Variants in C11orf65 observed in about 807,000 individuals in gnomAD.
C11orf65 encodes the protein protein MFI.
C11orf65 carries 38 observed loss-of-function variants against 35.3 expected under a neutral mutation model. The observed-to-expected ratio is 1.08, with a 90% CI of 0.83 to 1.41. The LOEUF (loss-of-function observed/expected upper bound fraction) is 1.41, where lower values mean the gene tolerates loss of function less well. Ranked by LOEUF, C11orf65 falls within the 40% of genes most tolerant of loss-of-function variation. The pLI is 0.00. For synonymous variants in C11orf65, 105 were observed against 114.4 expected (o/e 0.92, Z 0.53); for missense variants, 370 against 367.1 (o/e 1.01, Z -0.06).
At chr11:108,400,438 G>C (rs2092418006) in intron 6 of C11orf65, among the ~76,000 whole-genome samples, 1 of 152,150 alleles carries the variant, frequency 6.6e-6, no homozygotes, top group Admixed American at 6.5e-5. Context: ...CAGGCATAAT[G>C]TTCTATGGAA....
At chr11:108,321,264 C>A (rs2085186012) in intron 6 of C11orf65, 1 of 1,610,002 alleles carries the variant, frequency 6.2e-7, no homozygotes, top group Non-Finnish European at 8.5e-7. Flanking sequence ...AAAACCTCTT[C>A]TTTATTTTCA....
At chr11:108,346,290 C>G (rs1215869277) in intron 2 of C11orf65, among the ~76,000 whole-genome samples, 1 of 151,926 alleles carries the variant, frequency 6.6e-6, no homozygotes, top group African/African-American at 2.4e-5. Flanking sequence ...TTGCATATAA[C>G]CTCTAAATAT....
chr11:108,458,370 A>AG (rs1478433970), intron 2 of C11orf65, among the ~76,000 whole-genome samples: 1 of 151,034 alleles, frequency 6.6e-6, no homozygotes, highest in East Asian at 1.9e-4. Context: ...AAAAAAAAAA[A>AG]AAAAAAAAGA....
At position 108,402,852 on chromosome 11, in the gene C11orf65, AGATT is replaced by A. The variant is rs1490981542; in HGVS notation, c.560+2573_560+2576del. 2.0e-5 allele frequency among the ~76,000 whole-genome samples: 3 copies of A among 152,056 alleles called. No individual in the cohort carries two copies. The East Asian group carries it at 5.8e-4, about 29-fold the overall frequency. On this transcript the variant is annotated intron_variant, in intron 6 of 8. Coordinates refer to ENST00000393084, the MANE Select transcript of C11orf65 (RefSeq NM_152587.5). ...CATACAGTATGTATTCTTTTTTGATAGATTTATTTCATTCGGCATTATTTTGAGG... is the reference window on the plus strand; with the variant it reads ...CATACAGTATGTATTCTTTTTTGATATATTTCATTCGGCATTATTTTGAGG...
At chr11:108,353,731 C>T (rs2089484197) in intron 2 of C11orf65, 1 of 1,521,162 alleles carries the variant, frequency 6.6e-7, no homozygotes, top group South Asian at 1.1e-5. Flanking sequence ...AATTAGCTGT[C>T]AAACCTCCTA....
At chr11:108,414,892 C>A (rs1226433854) in intron 3 of C11orf65, among the ~76,000 whole-genome samples, 1 of 151,912 alleles carries the variant, frequency 6.6e-6, no homozygotes, top group Non-Finnish European at 1.5e-5. Context: ...TTTTGCAAGG[C>A]CACTATTATA....
intron 3 of C11orf65, among the ~76,000 whole-genome samples, chr11:108,424,410 A>G (rs2092868825): frequency 6.6e-6 from 1 of 152,204 alleles, no homozygotes; most frequent in African/African-American, 2.4e-5. Flanking sequence ...ACTATGTGAA[A>G]AGACCAAACC....
intron 2 of C11orf65, among the ~76,000 whole-genome samples, chr11:108,348,885 T>C (rs2088826125): frequency 6.6e-6 from 1 of 152,234 alleles, no homozygotes; most frequent in South Asian, 2.1e-4. Flanking sequence ...ATATGAAACA[T>C]ATGATTTAAT....
chr11:108,390,534 G>A (rs227055), intron 7 of C11orf65, among the ~76,000 whole-genome samples: 92,458 of 151,900 alleles, frequency 0.61, 28,376 homozygotes, highest in Middle Eastern at 0.76. Context: ...AGCTTGAATC[G>A]GCCAATGGTA....
intron 6 of C11orf65, among the ~76,000 whole-genome samples, chr11:108,316,753 C>CAAAAAAAAAA (rs58165074): frequency 5.4e-3 from 375 of 70,040 alleles, no homozygotes; most frequent in Middle Eastern, 0.012. Flanking sequence ...ACTAAAAATA[C>CAAAAAAAAAA]AAAAAAAAAA....
At chr11:108,335,184 T>A in intron 3 of C11orf65, 1 of 1,605,932 alleles carries the variant, frequency 6.2e-7, no homozygotes, top group Non-Finnish European at 8.5e-7. Context: ...TTCTTTCTGC[T>A]TTATTTGGGA....
At chr11:108,321,887 T>C (rs1353129367) in intron 6 of C11orf65, among the ~76,000 whole-genome samples, 1 of 152,198 alleles carries the variant, frequency 6.6e-6, no homozygotes, top group East Asian at 1.9e-4. Context: ...TTATTAAACA[T>C]TTTCCAAAAT....
At chr11:108,441,276 G>C (rs1172604827) in intron 2 of C11orf65, among the ~76,000 whole-genome samples, 3 of 152,206 alleles carry the variant, frequency 2.0e-5, no homozygotes, top group Non-Finnish European at 4.4e-5. Context: ...CTGGAGGAGA[G>C]GCGTCTGCCA....
exon 7 of C11orf65, chr11:108,309,037 C>T (rs1403435905): frequency 6.6e-7 from 1 of 1,522,094 alleles, no homozygotes; most frequent in Non-Finnish European, 8.8e-7. Context: ...CTTCATATTC[C>T]ATTTTAATGC....
intron 1 of C11orf65, among the ~76,000 whole-genome samples, chr11:108,466,875 C>A (rs1355492347): frequency 1.3e-5 from 2 of 152,148 alleles, no homozygotes; most frequent in Non-Finnish European, 2.9e-5. Flanking sequence ...TATTTTGTTT[C>A]CTCTACTAAA....
At chr11:108,417,595 G>A (rs2092756451) in intron 3 of C11orf65, among the ~76,000 whole-genome samples, 1 of 151,226 alleles carries the variant, frequency 6.6e-6, no homozygotes, top group Non-Finnish European at 1.5e-5. Context: ...CCTATAAAAA[G>A]ACACAGCAAA....
chr11:108,407,850 C>T (rs1401653788), intron 3 of C11orf65, among the ~76,000 whole-genome samples: 7 of 145,024 alleles, frequency 4.8e-5, no homozygotes, highest in African/African-American at 1.8e-4. Context: ...GAGAATGGCA[C>T]GAACCCAGGA....
intron 2 of C11orf65, among the ~76,000 whole-genome samples, chr11:108,364,050 G>GT (rs761707059): frequency 7.9e-5 from 12 of 152,108 alleles, no homozygotes; most frequent in Non-Finnish European, 1.2e-4. Context: ...ATCAAGCTCA[G>GT]TTTCTCCACA....
intron 2 of C11orf65, among the ~76,000 whole-genome samples, chr11:108,439,410 G>A (rs1310941989): frequency 6.6e-6 from 1 of 152,182 alleles, no homozygotes; most frequent in Non-Finnish European, 1.5e-5. Flanking sequence ...AGCCACTGTG[G>A]TAAAGTTTGG....
Sources: gnomAD v4.1 joint callset for allele counts (sites outside exome capture counted in the v4.1 genomes callset) on GRCh38, gnomAD v4.1.1 for gene constraint, MANE v1.5 for transcripts, NCBI Gene and HGNC (gene_info 2026-07-23, HGNC 2026-07-21) for gene names.